FRMPD2: variants seen among roughly 807,000 people sequenced by gnomAD.
FRMPD2 encodes FERM and PDZ domain containing 2, also known as FERM and PDZ domain-containing protein 2.
FRMPD2 carries 96 observed loss-of-function variants against 140.1 expected under a neutral mutation model. That is an observed-to-expected ratio of 0.69 (90% CI 0.58 to 0.81). The LOEUF is 0.81. Among genes scored for constraint, FRMPD2 ranks in the 40% least tolerant of loss-of-function variants. The probability of loss-of-function intolerance (pLI) is 0.00; values close to 1 mark genes in which losing one functional copy is unlikely to be tolerated. For missense variants in FRMPD2, 1,240 were observed against 1,447.4 expected (o/e 0.86, Z 2.32); for synonymous variants, 449 against 547.6 (o/e 0.82, Z 2.52).
At chr10:48,217,713 T>C (rs1347289584) in intron 12 of FRMPD2, among the ~76,000 whole-genome samples, 4 of 152,118 alleles carry the variant, frequency 2.6e-5, no homozygotes, top group Non-Finnish European at 5.9e-5. Context: ...CAAAAAAAAT[T>C]TTACAACCCA....
At chr10:48,259,289 C>G (rs1406487142) in intron 1 of FRMPD2, among the ~76,000 whole-genome samples, 10 of 152,140 alleles carry the variant, frequency 6.6e-5, no homozygotes, top group Non-Finnish European at 1.0e-4. Flanking sequence ...CAAAAACGAT[C>G]CCCACTTCCA....
Position 48,232,133 on chromosome 10 carries a change from C to A in FRMPD2, c.1150G>T (p.Gly384Cys). ...TGCTTACTTTTCATATACGCCAAGC[C>A]AAAGTAGGTGAGTTCCTCGAGGTTG... ...FANLEELTYF[G>C]LAYMKSKEFF... The change falls in exon 10 of 29, where the codon GGC (glycine) becomes TGC (cysteine). Residue 384 changes from glycine to cysteine, a missense_variant. Physicochemically the swap from Gly to Cys is radical, Grantham distance 159 (BLOSUM62 -3). Transcript: ENST00000374201. 1.2e-6 allele frequency: 2 copies of A among 1,614,156 alleles called. No individual in the cohort carries two copies. Among genetic ancestry groups the A allele is most frequent in the Non-Finnish European group, 1.7e-6 (2 of 1,180,036 alleles).
intron 12 of FRMPD2, among the ~76,000 whole-genome samples, chr10:48,212,839 T>C (rs1267537029): frequency 6.6e-6 from 1 of 152,150 alleles, no homozygotes; most frequent in Non-Finnish European, 1.5e-5. Context: ...ACACAGACTC[T>C]GGGGCAGGTA....
At chr10:48,210,113 T>C (rs927346011) in intron 13 of FRMPD2, among the ~76,000 whole-genome samples, 3 of 152,188 alleles carry the variant, frequency 2.0e-5, no homozygotes, top group Non-Finnish European at 4.4e-5. Context: ...AAATGTTTAC[T>C]TTTATAATCA....
intron 1 of FRMPD2, among the ~76,000 whole-genome samples, chr10:48,255,674 A>G (rs1840475305): frequency 6.6e-6 from 1 of 152,246 alleles, no homozygotes; most frequent in African/African-American, 2.4e-5. Context: ...AGAATAGGCA[A>G]TGCATGATAA....
chr10:48,182,547 C>T (rs900530417), intron 20 of FRMPD2, among the ~76,000 whole-genome samples: 8 of 152,338 alleles, frequency 5.3e-5, no homozygotes, highest in African/African-American at 1.7e-4. Context: ...GTCTCTGCCA[C>T]GGAGACCCAG....
At chr10:48,205,408 C>A (rs1839180093) in intron 14 of FRMPD2, among the ~76,000 whole-genome samples, 1 of 152,156 alleles carries the variant, frequency 6.6e-6, no homozygotes, top group Non-Finnish European at 1.5e-5. Flanking sequence ...AAAGTACTTA[C>A]TTAAGGGGAC....
upstream of FRMPD2, chr10:48,274,775 G>T (rs1840825751): frequency 1.7e-6 from 1 of 588,004 alleles, no homozygotes; most frequent in African/African-American, 1.9e-5. Flanking sequence ...CTCATTCCCT[G>T]GGTCCTGCGC....
intron 21 of FRMPD2, among the ~76,000 whole-genome samples, chr10:48,178,464 A>C (rs538539837): frequency 1.7e-4 from 26 of 152,282 alleles, no homozygotes; most frequent in Non-Finnish European, 1.2e-4. Context: ...CCCTTTACTT[A>C]GTGCTTTCTA....
chr10:48,199,124 C>T (rs912692110), intron 15 of FRMPD2, among the ~76,000 whole-genome samples: 2 of 152,098 alleles, frequency 1.3e-5, no homozygotes, highest in East Asian at 1.9e-4. Flanking sequence ...TAGAAAACTA[C>T]CTATCAGGTA....
At chr10:48,223,029 A>C in intron 11 of FRMPD2, 94 bp downstream of exon 11, 2 of 1,108,310 alleles carry the variant, frequency 1.8e-6, no homozygotes, top group Non-Finnish European at 1.3e-6. Flanking sequence ...TGTAATTTAC[A>C]GTTTGCAAAG....
At chr10:48,206,305 G>A (rs1236604151) in intron 14 of FRMPD2, among the ~76,000 whole-genome samples, 1 of 152,170 alleles carries the variant, frequency 6.6e-6, no homozygotes, top group African/African-American at 2.4e-5. Context: ...CAGAGGCCTT[G>A]GCACACTGCG....
At chr10:48,208,093 T>C (rs1839242528) in intron 13 of FRMPD2, among the ~76,000 whole-genome samples, 1 of 152,158 alleles carries the variant, frequency 6.6e-6, no homozygotes, top group African/African-American at 2.4e-5. Context: ...CTTATCATCA[T>C]ACAAATCAAT....
Position 48,251,601 on chromosome 10 carries a change from A to G in FRMPD2, c.116T>C (p.Leu39Pro). ...GTCTTCCAGGAGCTGCTCAGCGGCC[A>G]GGAACAGGAGGGACCAGATTTCCTC... ...SEEEIWSLLF[L>P]AAEQLLEDLR... The change falls in exon 2 of 29, where the codon CTG (leucine) becomes CCG (proline). Residue 39 changes from leucine (L) to proline (P), a missense_variant. By Grantham distance (98) the Leu-to-Pro change is moderately conservative (BLOSUM62 -3). Coordinates refer to ENST00000374201, the MANE Select transcript of FRMPD2 (RefSeq NM_001018071.4). 3 of 1,614,224 alleles carry G rather than the reference A, an allele frequency of 1.9e-6. No individual in the cohort carries two copies. The highest frequency in any genetic ancestry group is 1.3e-5 in the African/African-American group (1 of 75,054).
At chr10:48,214,481 G>A (rs1039097027) in intron 12 of FRMPD2, among the ~76,000 whole-genome samples, 7 of 152,276 alleles carry the variant, frequency 4.6e-5, no homozygotes, top group South Asian at 2.1e-4. Flanking sequence ...GTACATTCTG[G>A]TGCAGGATTT....
At chr10:48,208,044 GTCA>G (rs1161378500) in intron 13 of FRMPD2, among the ~76,000 whole-genome samples, 1 of 151,284 alleles carries the variant, frequency 6.6e-6, no homozygotes, top group African/African-American at 2.5e-5. Flanking sequence ...TGTCATCATC[GTCA>G]TCATCATCAT....
In FRMPD2 at chr10:48,206,790, C is replaced by T. The variant is rs1172153021; in HGVS notation, c.1755G>A (p.Met585Ile). The T allele has an allele frequency of 4.3e-6, 7 of 1,614,108 alleles. No homozygotes were observed. Among genetic ancestry groups the T allele is most frequent in the Non-Finnish European group, 5.1e-6 (6 of 1,179,956 alleles). ...YEVKNNSRIAMLRFQWRETGK... is the reference protein window; with the variant it reads ...YEVKNNSRIAILRFQWRETGK... ...CGGTTTCTCTCCACTGAAACCGTAA[C>T]ATTGCAATTCTGCTGTTGTTTTTCA... Residue 585 changes from methionine to isoleucine, a missense_variant, in exon 14 of 29, where the codon ATG becomes ATA. By Grantham distance (10) the Met-to-Ile change is conservative. Transcript: ENST00000374201.
chr10:48,195,730 A>G (rs1054671162), intron 15 of FRMPD2, among the ~76,000 whole-genome samples: 1 of 152,268 alleles, frequency 6.6e-6, no homozygotes, highest in African/African-American at 2.4e-5. Flanking sequence ...TAAACTAAAT[A>G]TCAAAAATGG....
chr10:48,173,669 A>G (rs1554791853), intron 24 of FRMPD2, among the ~76,000 whole-genome samples: 91 of 151,670 alleles, frequency 6.0e-4, no homozygotes, highest in Middle Eastern at 3.4e-3. Context: ...TTCTTGATTT[A>G]AAGTCTCCAA....
Sources: allele counts gnomAD v4.1 joint callset (sites outside exome capture counted in the v4.1 genomes callset), GRCh38; gene constraint gnomAD v4.1.1; transcripts MANE v1.5; gene names NCBI Gene and HGNC (gene_info 2026-07-23, HGNC 2026-07-21).